SOX5: variants seen among roughly 807,000 people sequenced by gnomAD.
The protein encoded by SOX5 is SRY-box transcription factor 5, also known as transcription factor SOX-5.
Under a neutral mutation model 92.0 loss-of-function variants are expected in SOX5, and 9 were observed. The ratio of observed to expected loss-of-function variants is 0.10; its 90% CI spans 0.06 to 0.17. The LOEUF (loss-of-function observed/expected upper bound fraction) is 0.17. Ranked by LOEUF, SOX5 falls within the 10% of genes least tolerant of loss-of-function variation. SOX5 has a pLI of 1.00. For missense variants in SOX5, 642 were observed against 944.5 expected (o/e 0.68, Z 4.20); for synonymous variants, 344 against 336.3 (o/e 1.02, Z -0.25).
chr12:24,289,516 G>T (rs1460884950), intron 2 of SOX5, among the ~76,000 whole-genome samples: 2 of 118,532 alleles, frequency 1.7e-5, no homozygotes, highest in Non-Finnish European at 3.2e-5. Flanking sequence ...TGCAGTGGCG[G>T]GATCTCGGCT....
chr12:24,308,116 A>C (rs1015167013), intron 2 of SOX5, among the ~76,000 whole-genome samples: 1 of 152,068 alleles, frequency 6.6e-6, no homozygotes, highest in Non-Finnish European at 1.5e-5. Context: ...TTAAGAGGCA[A>C]AATGGAGAAG....
chr12:24,324,925 C>T (rs866232321), intron 2 of SOX5, among the ~76,000 whole-genome samples: 1 of 152,026 alleles, frequency 6.6e-6, no homozygotes, highest in African/African-American at 2.4e-5. Flanking sequence ...TCATATTTCT[C>T]ATATATTATA....
intron 1 of SOX5, among the ~76,000 whole-genome samples, chr12:24,527,588 T>C (rs1191743391): frequency 2.6e-5 from 4 of 152,216 alleles, no homozygotes; most frequent in African/African-American, 7.2e-5. Context: ...CTCTATTCTA[T>C]ATTTCTTTTC....
intron 2 of SOX5, among the ~76,000 whole-genome samples, chr12:23,850,893 A>G (rs969733395): frequency 6.6e-6 from 1 of 152,194 alleles, no homozygotes; most frequent in Admixed American, 6.6e-5. Context: ...ATAGTTTTAC[A>G]GAGTTAATTT....
intron 4 of SOX5, among the ~76,000 whole-genome samples, chr12:23,754,748 G>T (rs1327667819): frequency 6.6e-6 from 1 of 151,632 alleles, no homozygotes; most frequent in Non-Finnish European, 1.5e-5. Flanking sequence ...TCTGTCATTG[G>T]GAAAACACTT....
At chr12:24,556,347 C>G (rs1953779510) in intron 1 of SOX5, among the ~76,000 whole-genome samples, 1 of 152,228 alleles carries the variant, frequency 6.6e-6, no homozygotes, top group Non-Finnish European at 1.5e-5. Flanking sequence ...AAAATAACAA[C>G]TAATTTCTCC....
rs78201735 is a variant in SOX5 at position 24,436,725 on chromosome 12, G to C, written c.-250-68086C>G. Among the ~76,000 whole-genome samples, 704 of 152,296 alleles carry C rather than the reference G, an allele frequency of 4.6e-3. 11 individuals are homozygous for C. The East Asian group carries it at 0.051, about 11-fold the overall frequency. ...TTGTAGATAAAACAGCCTTATATTT[G>C]AAGAAGATGCCATCTAGGACTTTCA... is the stretch of plus-strand genomic sequence containing the variant. On this transcript the variant is annotated intron_variant, in intron 1 of 4. Transcript: ENST00000446891.
At chr12:23,760,661 T>C (rs2094537826) in intron 3 of SOX5, among the ~76,000 whole-genome samples, 2 of 152,066 alleles carry the variant, frequency 1.3e-5, no homozygotes, top group African/African-American at 4.8e-5. Context: ...CCTGCCTCTT[T>C]AGGGCCTGCT....
intron 5 of SOX5, among the ~76,000 whole-genome samples, chr12:23,736,158 T>TAA (rs200769598): frequency 8.4e-5 from 12 of 142,372 alleles, no homozygotes; most frequent in African/African-American, 3.1e-4. Flanking sequence ...ACATTTTTAT[T>TAA]AAAAAAAAAA....
At chr12:24,218,404 T>A (rs1312785174) in intron 3 of SOX5, among the ~76,000 whole-genome samples, 2 of 152,128 alleles carry the variant, frequency 1.3e-5, no homozygotes, top group Non-Finnish European at 2.9e-5. Flanking sequence ...TAATTCTAAG[T>A]ATAAGAAATG....
intron 4 of SOX5, among the ~76,000 whole-genome samples, chr12:24,179,974 A>T (rs1409617903): frequency 6.7e-6 from 1 of 149,856 alleles, no homozygotes; most frequent in Non-Finnish European, 1.5e-5. Context: ...AAGTTATGGG[A>T]CCTCACTCCA....
chr12:24,244,162 C>T (rs1382951007), intron 3 of SOX5, among the ~76,000 whole-genome samples: 3 of 152,058 alleles, frequency 2.0e-5, no homozygotes, highest in Admixed American at 6.6e-5. Context: ...CTTTGCTTAT[C>T]GTACTGAACT....
chr12:24,420,942 T>C (rs915034001), intron 1 of SOX5, among the ~76,000 whole-genome samples: 12 of 152,072 alleles, frequency 7.9e-5, no homozygotes, highest in African/African-American at 2.9e-4. Flanking sequence ...ACAAAATCCA[T>C]ACTGTGGGAA....
chr12:23,568,627 A>G (rs919803133), intron 10 of SOX5, among the ~76,000 whole-genome samples: 1 of 151,990 alleles, frequency 6.6e-6, no homozygotes, highest in East Asian at 1.9e-4. Flanking sequence ...CTCTTTCTAT[A>G]TTCCATAGAC....
At chr12:24,289,792 A>G (rs1946410057) in intron 2 of SOX5, among the ~76,000 whole-genome samples, 1 of 152,172 alleles carries the variant, frequency 6.6e-6, no homozygotes, top group Non-Finnish European at 1.5e-5. Flanking sequence ...AGATAGAGCT[A>G]TTATCTTCCT....
At chr12:24,483,570 C>T (rs1051546256) in intron 1 of SOX5, among the ~76,000 whole-genome samples, 2 of 152,174 alleles carry the variant, frequency 1.3e-5, no homozygotes, top group Non-Finnish European at 2.9e-5. Flanking sequence ...TTGTATTTAA[C>T]GTTGCATGAA....
In SOX5 at chr12:24,304,073, C is replaced by G. The variant is rs995158778; in HGVS notation, c.-173-26761G>C. Among the ~76,000 whole-genome samples, 7 of 152,014 alleles carry G rather than the reference C, an allele frequency of 4.6e-5. No homozygotes were observed. The South Asian group carries it at 8.3e-4, about 18-fold the overall frequency. On this transcript the variant is annotated intron_variant, in intron 2 of 4. Coordinates refer to the SOX5 transcript ENST00000446891. ...CACAAAAATATATGTCAGAACGTAA[C>G]ATAATGAATATCTTAAGAAAGGCTT...
At chr12:24,367,617 G>A (rs538956888) in intron 2 of SOX5, among the ~76,000 whole-genome samples, 116 of 152,206 alleles carry the variant, frequency 7.6e-4, no homozygotes, top group Middle Eastern at 3.4e-3. Context: ...GATGGATATG[G>A]TTTATGTAAT....
chr12:24,324,193 G>A (rs1336750240), intron 2 of SOX5, among the ~76,000 whole-genome samples: 1 of 151,902 alleles, frequency 6.6e-6, no homozygotes, highest in Non-Finnish European at 1.5e-5. Flanking sequence ...TAGTAATTCA[G>A]CATTTTTCAT....
Sources: allele counts gnomAD v4.1 joint callset (sites outside exome capture counted in the v4.1 genomes callset), GRCh38; gene constraint gnomAD v4.1.1; transcripts MANE v1.5; gene names NCBI Gene and HGNC (gene_info 2026-07-23, HGNC 2026-07-21).